The following SMARCD2 variants were observed in gnomAD, a reference collection of about 807,000 sequenced individuals.
SMARCD2 encodes the protein SWI/SNF-related matrix-associated actin-dependent regulator of chromatin subfamily D member 2.
Under a neutral mutation model 70.4 loss-of-function variants are expected in SMARCD2, and 39 were observed. The ratio of observed to expected loss-of-function variants is 0.55; its 90% CI spans 0.43 to 0.72. The LOEUF (loss-of-function observed/expected upper bound fraction) is 0.72. Among genes scored for constraint, SMARCD2 ranks in the 30% least tolerant of loss-of-function variants. The probability of loss-of-function intolerance (pLI) is 0.00; values close to 1 mark genes in which losing one functional copy is unlikely to be tolerated. For synonymous variants in SMARCD2, 249 were observed against 279.4 expected, an observed-to-expected ratio of 0.89 and a Z score of 1.08; for missense variants, 540 against 713.4, an observed-to-expected ratio of 0.76 and a Z score of 2.77.
intron 1 of SMARCD2, chr17:63,839,025 T>A: frequency 1.0e-6 from 1 of 985,072 alleles, no homozygotes. Context: ...AATAAAAAGT[T>A]CAAAGTGGGG....
rs1449154940 is a variant in SMARCD2, at chr17:63,837,654, T to C, written c.217-29A>G. Reference sequence around the variant, plus strand: ...GGGGAAGTGAGCCAACGGGGGTGCATAGGTCAGGGGCAAGGCCCTCCGGGA... The same window carrying C: ...GGGGAAGTGAGCCAACGGGGGTGCACAGGTCAGGGGCAAGGCCCTCCGGGA... On this transcript the variant is annotated intron_variant, in intron 1 of 12. Coordinates refer to ENST00000448276, the MANE Select transcript of SMARCD2 (RefSeq NM_001098426.2). The surrounding 1 kb of genome is among the most constrained non-coding windows in gnomAD (Gnocchi z 6.4). The C allele has an allele frequency of 8.7e-6, 14 of 1,600,144 alleles. No individual in the cohort carries two copies. The highest frequency in any genetic ancestry group is 2.7e-5 in the African/African-American group (2 of 74,788).
At chr17:63,840,327 G>A (rs1201892979) in intron 1 of SMARCD2, among the ~76,000 whole-genome samples, 1 of 140,270 alleles carries the variant, frequency 7.1e-6, no homozygotes, top group Non-Finnish European at 1.5e-5. Flanking sequence ...ACACCACCAT[G>A]CTTGGCTAAA....
chr17:63,832,959 C>A lies in SMARCD2; in HGVS notation c.1575G>T (p.Val525=). ...VQQRRQELEQ[V]LGIRLT ...GCAGTTAGGTCAGGCGAATTCCCAG[C>A]ACCTGTTCCAGTTCCTGCCTTCGCT... The change falls in exon 13 of 13, where the codon GTG becomes GTT. Residue 525 remains valine (V), a synonymous_variant. Coordinates refer to ENST00000448276, the MANE Select transcript of SMARCD2 (RefSeq NM_001098426.2). The A allele has an allele frequency of 6.3e-7, 1 of 1,575,846 alleles. No individual in the cohort carries two copies. Among genetic ancestry groups the A allele is most frequent in the Non-Finnish European group, 8.6e-7 (1 of 1,162,194 alleles).
Position 63,834,010 on chromosome 17 carries a change from G to C in SMARCD2, c.1084-4C>G. 1 of 1,612,984 alleles carries C rather than the reference G, an allele frequency of 6.2e-7. No homozygotes were observed. The highest frequency in any genetic ancestry group is 8.5e-7 in the Non-Finnish European group (1 of 1,178,940). ...GGAGTCGGCCACAACTGAAGATCTG[G>C]AGGAAATACGAAAGGCTCAGCGTTG... On this transcript the variant is annotated splice_polypyrimidine_tract_variant and splice_region_variant and intron_variant, in intron 8 of 12. Coordinates refer to ENST00000448276, the MANE Select transcript of SMARCD2 (RefSeq NM_001098426.2). This position sits in a 1 kb window ranked among gnomAD's most constrained non-coding sequence, Gnocchi z 5.6.
chr17:63,839,765 C>T (rs28669702), intron 1 of SMARCD2, among the ~76,000 whole-genome samples: 133 of 152,246 alleles, frequency 8.7e-4, no homozygotes, highest in African/African-American at 3.1e-3. Flanking sequence ...CAAATGTGGC[C>T]CTGATGCTCC....
In SMARCD2 at chr17:63,834,647, G is replaced by A; in HGVS notation, c.819+58C>T. The A allele has an allele frequency of 6.4e-7, 1 of 1,573,232 alleles. No individual in the cohort carries two copies. Among genetic ancestry groups the A allele is most frequent in the South Asian group, 1.1e-5 (1 of 90,212 alleles). Reference sequence around the variant, plus strand: ...ACACAGGGCCTCCCAAGGGCCCTGAGGCCATTTCCCTGCCAAACCTGCACA... The same window carrying A: ...ACACAGGGCCTCCCAAGGGCCCTGAAGCCATTTCCCTGCCAAACCTGCACA... On this transcript the variant is annotated intron_variant, in intron 6 of 12. Coordinates refer to ENST00000448276, the MANE Select transcript of SMARCD2 (RefSeq NM_001098426.2). This position sits in a 1 kb window ranked among gnomAD's most constrained non-coding sequence, Gnocchi z 5.6.
rs2040197209 is a variant in SMARCD2 at position 63,832,084 on chromosome 17, T to C, written c.*854A>G. ...AAGGACCAGGTCCAGGCACCACCAA[T>C]AGACAAAAGGATTTATTTGGAAATT... On this transcript the variant is annotated 3_prime_UTR_variant, in exon 13 of 13. Transcript: ENST00000448276. 2 of 1,040,460 alleles carry C rather than the reference T, an allele frequency of 1.9e-6. No individual in the cohort carries two copies. Among genetic ancestry groups the C allele is most frequent in the Non-Finnish European group, 1.5e-6 (1 of 682,670 alleles). The allele number at this position is 1,040,460 out of a possible 1,614,324, so 64.5% of individuals were successfully genotyped here.
Position 63,837,736 on chromosome 17 carries a change from C to G in SMARCD2, c.217-111G>C, listed in dbSNP as rs1259873722. ...AGCCAGGTAGGGCCTGAGCAGCACACCAGAGCCCTGCTGGAGCCCCAGGAA... is the reference window on the plus strand; with the variant it reads ...AGCCAGGTAGGGCCTGAGCAGCACAGCAGAGCCCTGCTGGAGCCCCAGGAA... On this transcript the variant is annotated intron_variant, in intron 1 of 12. Coordinates refer to ENST00000448276, the MANE Select transcript of SMARCD2 (RefSeq NM_001098426.2). This position sits in a 1 kb window ranked among gnomAD's most constrained non-coding sequence, Gnocchi z 6.4. 1.2e-6 allele frequency: 1 copy of G among 841,294 alleles called. No homozygotes were observed. The highest frequency in any genetic ancestry group is 1.7e-5 in the African/African-American group (1 of 58,258). The allele number at this position is 841,294 out of a possible 1,614,324, so 52.1% of individuals were successfully genotyped here.
chr17:63,833,262 T>G lies in SMARCD2; in HGVS notation c.1440+36A>C, dbSNP rs7213828. The G allele has an allele frequency of 3.1e-3, 4,996 of 1,613,618 alleles. 134 individuals are homozygous for G. In the African/African-American group the frequency reaches 0.059, roughly 19 times the overall value. On this transcript the variant is annotated intron_variant, in intron 11 of 12. Transcript: ENST00000448276. The surrounding 1 kb of genome is among the most constrained non-coding windows in gnomAD (Gnocchi z 4.3). Reference sequence around the variant, plus strand: ...GCTGTGGGTAAAAATCACCCAGAGCTTTACATAGGAGTCCCCTCGGGAAAG... The same window carrying G: ...GCTGTGGGTAAAAATCACCCAGAGCGTTACATAGGAGTCCCCTCGGGAAAG...
At position 63,842,611 on chromosome 17, in the gene SMARCD2, C is replaced by T. The variant is rs1904516361; in HGVS notation, c.64G>A (p.Ala22Thr). Residue 22 changes from alanine to threonine, a missense_variant, in exon 1 of 13, where the codon GCT becomes ACT. Physicochemically the swap from Ala to Thr is moderately conservative, Grantham distance 58. Coordinates refer to ENST00000448276, the MANE Select transcript of SMARCD2 (RefSeq NM_001098426.2). Reference protein sequence around the residue: ...PPLSPGGGAVAAALGAPPPPA... With the variant: ...PPLSPGGGAVTAALGAPPPPA... ...GGAGGCGGCGCTCCCAGGGCCGCAGCCACGGCGCCGCCGCCAGGGCTTAGC... is the reference window on the plus strand; with the variant it reads ...GGAGGCGGCGCTCCCAGGGCCGCAGTCACGGCGCCGCCGCCAGGGCTTAGC... 3 of 1,225,856 alleles carry T rather than the reference C, an allele frequency of 2.4e-6. No individual in the cohort carries two copies. In the South Asian group the frequency reaches 1.1e-4, roughly 46 times the overall value. 75.9% of individuals were successfully genotyped at this position (1,225,856 alleles called of 1,614,324 possible). A position where few individuals can be genotyped will look rare whatever the true frequency, so the allele number is the denominator to read the frequency against.
Position 63,832,081 on chromosome 17 carries a change from C to A in SMARCD2, c.*857G>T. The A allele has an allele frequency of 1.9e-6, 2 of 1,057,108 alleles. No individual in the cohort carries two copies. The highest frequency in any genetic ancestry group is 2.9e-6 in the Non-Finnish European group (2 of 695,190). The allele number at this position is 1,057,108 out of a possible 1,614,324, so 65.5% of individuals were successfully genotyped here. On this transcript the variant is annotated 3_prime_UTR_variant, in exon 13 of 13. Coordinates refer to ENST00000448276, the MANE Select transcript of SMARCD2 (RefSeq NM_001098426.2). ...TTCAAGGACCAGGTCCAGGCACCAC[C>A]AATAGACAAAAGGATTTATTTGGAA...
Position 63,842,622 on chromosome 17 carries a change from C to A in SMARCD2, c.53G>T (p.Gly18Val). The change falls in exon 1 of 13, where the codon GGC becomes GTC. Residue 18 changes from glycine to valine, a missense_variant. Physicochemically the swap from Gly to Val is moderately radical, Grantham distance 109. Coordinates refer to ENST00000448276, the MANE Select transcript of SMARCD2 (RefSeq NM_001098426.2). Reference protein sequence around the residue: ...GFPLPPLSPGGGAVAAALGAP... With the variant: ...GFPLPPLSPGVGAVAAALGAP... ...TCCCAGGGCCGCAGCCACGGCGCCGCCGCCAGGGCTTAGCGGGGGCAGCGG... is the reference window on the plus strand; with the variant it reads ...TCCCAGGGCCGCAGCCACGGCGCCGACGCCAGGGCTTAGCGGGGGCAGCGG... The A allele has an allele frequency of 8.1e-7, 1 of 1,233,886 alleles. No individual in the cohort carries two copies. Among genetic ancestry groups the A allele is most frequent in the African/African-American group, 1.6e-5 (1 of 63,982 alleles). The allele number at this position is 1,233,886 out of a possible 1,614,324, so 76.4% of individuals were successfully genotyped here.
At chr17:63,840,052 C>A (rs1261346691) in intron 1 of SMARCD2, among the ~76,000 whole-genome samples, 2 of 152,014 alleles carry the variant, frequency 1.3e-5, no homozygotes. Flanking sequence ...TTGTTTGAAC[C>A]TGGGAGGCGG....
chr17:63,834,827 G>C lies in SMARCD2; in HGVS notation c.724-27C>G. 1.4e-6 allele frequency: 2 copies of C among 1,442,156 alleles called. No individual in the cohort carries two copies. The highest frequency in any genetic ancestry group is 2.0e-6 in the Non-Finnish European group (2 of 1,023,472). The allele number at this position is 1,442,156 out of a possible 1,614,324, so 89.3% of individuals were successfully genotyped here. The stretch of plus-strand genomic sequence containing the variant: ...TGGGGATGGAAAGGGGTGTGAGATG[G>C]TGCTGCTGAGCTCTCAAATCTCAAG... On this transcript the variant is annotated intron_variant, in intron 5 of 12. Coordinates refer to ENST00000448276, the MANE Select transcript of SMARCD2 (RefSeq NM_001098426.2). This position sits in a 1 kb window ranked among gnomAD's most constrained non-coding sequence, Gnocchi z 5.6.
chr17:63,834,107 G>T lies in SMARCD2; in HGVS notation c.1083+60C>A. On this transcript the variant is annotated intron_variant, in intron 8 of 12. Transcript: ENST00000448276. This position sits in a 1 kb window ranked among gnomAD's most constrained non-coding sequence, Gnocchi z 5.6. ...GCAGTCTGCAGGCTGTGGCCAAGGA[G>T]TAGCCCAGCAGGCAAGGCAAAGCAA... 6.3e-7 allele frequency: 1 copy of T among 1,597,376 alleles called. No individual in the cohort carries two copies. Among genetic ancestry groups the T allele is most frequent in the Non-Finnish European group, 8.6e-7 (1 of 1,166,270 alleles).
Position 63,832,916 on chromosome 17 carries a change from G to A in SMARCD2, c.*22C>T, listed in dbSNP as rs778097729. ...TGGTCTCCCTCCAGGCTCCAGGGCT[G>A]GGAAGAAAGATCCCTGAGCAGTTAG... On this transcript the variant is annotated 3_prime_UTR_variant, in exon 13 of 13. Coordinates refer to ENST00000448276, the MANE Select transcript of SMARCD2 (RefSeq NM_001098426.2). The A allele has an allele frequency of 1.3e-6, 2 of 1,553,940 alleles. No homozygotes were observed. Among genetic ancestry groups the A allele is most frequent in the South Asian group, 2.4e-5 (2 of 84,130 alleles).
chr17:63,832,211 C>T lies in SMARCD2; in HGVS notation c.*727G>A. 1 of 568,882 alleles carries T rather than the reference C, an allele frequency of 1.8e-6. No homozygotes were observed. The allele number at this position is 568,882 out of a possible 1,614,324, so 35.2% of individuals were successfully genotyped here. Reference sequence around the variant, plus strand: ...CCTCCCAGCCTCCCCATTCACCTTACCCTGGCCTCCACATGCACATACCCC... The same window carrying T: ...CCTCCCAGCCTCCCCATTCACCTTATCCTGGCCTCCACATGCACATACCCC... On this transcript the variant is annotated 3_prime_UTR_variant, in exon 13 of 13. Coordinates refer to ENST00000448276, the MANE Select transcript of SMARCD2 (RefSeq NM_001098426.2).
At position 63,833,009 on chromosome 17, in the gene SMARCD2, C is replaced by G; in HGVS notation, c.1543-18G>C. ...TGCTGCACCTGGAGAAGGGAGAAAC[C>G]AAGTGGCTCAGGCCTTTGCTACTCA... On this transcript the variant is annotated intron_variant, in intron 12 of 12. Coordinates refer to ENST00000448276, the MANE Select transcript of SMARCD2 (RefSeq NM_001098426.2). The surrounding 1 kb of genome is among the most constrained non-coding windows in gnomAD (Gnocchi z 4.3). The G allele has an allele frequency of 6.3e-7, 1 of 1,587,076 alleles. No individual in the cohort carries two copies. The highest frequency in any genetic ancestry group is 8.6e-7 in the Non-Finnish European group (1 of 1,167,948).
rs2040278122 is a variant in SMARCD2, at chr17:63,837,321, C to T, written c.402-84G>A. On this transcript the variant is annotated intron_variant, in intron 2 of 12. Coordinates refer to ENST00000448276, the MANE Select transcript of SMARCD2 (RefSeq NM_001098426.2). This position sits in a 1 kb window ranked among gnomAD's most constrained non-coding sequence, Gnocchi z 6.4. Reference sequence around the variant, plus strand: ...CATAACGCCCCTCCAGTCTCCAGGACCCTCTCCCCCAGGAGAGCCTGGAGT... The same window carrying T: ...CATAACGCCCCTCCAGTCTCCAGGATCCTCTCCCCCAGGAGAGCCTGGAGT... 7 of 1,524,628 alleles carry T rather than the reference C, an allele frequency of 4.6e-6. No homozygotes were observed. The highest frequency in any genetic ancestry group is 6.4e-6 in the Non-Finnish European group (7 of 1,098,768). The allele number at this position is 1,524,628 out of a possible 1,614,324, so 94.4% of individuals were successfully genotyped here. A position where few individuals can be genotyped will look rare whatever the true frequency, so the allele number is the denominator to read the frequency against.
Sources: gnomAD v4.1 joint callset for allele counts (sites outside exome capture counted in the v4.1 genomes callset) on GRCh38, gnomAD v4.1.1 for gene constraint, Gnocchi (gnomAD v3.1) non-coding constraint, MANE v1.5 for transcripts, NCBI Gene and HGNC (gene_info 2026-07-23, HGNC 2026-07-21) for gene names.